The following UNC13C variants were observed in gnomAD, a reference collection of about 807,000 sequenced individuals.
UNC13C encodes unc-13 homolog C.
Under a neutral mutation model 245.4 loss-of-function variants are expected in UNC13C, and 174 were observed. That is an observed-to-expected ratio of 0.71 (90% CI 0.63 to 0.80). The LOEUF is 0.80. UNC13C is among the 30% of genes least tolerant of loss of function. The pLI is 0.00. For missense variants in UNC13C, 2,829 were observed against 2,602.9 expected (o/e 1.09, Z -1.89); for synonymous variants, 992 against 895.1 (o/e 1.11, Z -1.93).
intron 30 of UNC13C, among the ~76,000 whole-genome samples, chr15:54,601,581 TTGACTC>T (rs1172122675): frequency 2.0e-5 from 3 of 152,152 alleles, no homozygotes; most frequent in Non-Finnish European, 4.4e-5. Context: ...AAAATTAACT[TTGACTC>T]TGTCAGCAGG....
intron 1 of UNC13C, among the ~76,000 whole-genome samples, chr15:53,980,846 C>G (rs1418138511): frequency 6.6e-6 from 1 of 152,128 alleles, no homozygotes; most frequent in Non-Finnish European, 1.5e-5. Context: ...GTTTTCCTTT[C>G]CAGGCCATAT....
the UNC13C span, among the ~76,000 whole-genome samples, chr15:53,885,509 C>G: frequency 6.6e-6 from 1 of 152,192 alleles, no homozygotes; most frequent in Admixed American, 6.5e-5. Context: ...TTGGATCATA[C>G]TCTTGTGTCC....
At chr15:54,243,230 T>G (rs564068124) in intron 7 of UNC13C, among the ~76,000 whole-genome samples, 2 of 146,016 alleles carry the variant, frequency 1.4e-5, no homozygotes, top group South Asian at 4.6e-4. Flanking sequence ...TGAGAACATA[T>G]GGGGCTTGGT....
At chr15:54,451,632 C>A (rs1477275501) in intron 19 of UNC13C, among the ~76,000 whole-genome samples, 1 of 151,950 alleles carries the variant, frequency 6.6e-6, no homozygotes, top group African/African-American at 2.4e-5. Context: ...ATAGCTATCT[C>A]TTTTGTATGT....
chr15:54,136,404 T>G (rs1215716676), intron 2 of UNC13C, among the ~76,000 whole-genome samples: 1 of 152,200 alleles, frequency 6.6e-6, no homozygotes, highest in Non-Finnish European at 1.5e-5. Flanking sequence ...AGTTTTTTTA[T>G]CATGACACTT....
rs770723165 is a variant in UNC13C at position 54,546,616 on chromosome 15, A to G, written c.5697-106A>G. The G allele has an allele frequency of 6.9e-6, 4 of 583,208 alleles. No individual in the cohort carries two copies. The South Asian group carries it at 1.5e-4, about 22-fold the overall frequency. The allele number at this position is 583,208 out of a possible 1,614,324, so 36.1% of individuals were successfully genotyped here. The stretch of plus-strand genomic sequence containing the variant: ...AGTTTTTTGAGATTATACATTTTGT[A>G]TAATAATTTAGTAAATGGAATTTAG... On this transcript the variant is annotated intron_variant, in intron 26 of 32. Coordinates refer to ENST00000260323, the MANE Select transcript of UNC13C (RefSeq NM_001080534.3).
intron 4 of UNC13C, among the ~76,000 whole-genome samples, chr15:54,226,693 AG>A (rs773655946): frequency 3.9e-5 from 6 of 152,182 alleles, no homozygotes. Context: ...AACCAAGCTG[AG>A]GCTGGCCGCT....
At chr15:54,118,210 A>G (rs1038097930) in intron 2 of UNC13C, among the ~76,000 whole-genome samples, 38 of 152,220 alleles carry the variant, frequency 2.5e-4, no homozygotes, top group African/African-American at 7.7e-4. Flanking sequence ...TGGCATTTTC[A>G]TAGTGAGTAT....
At chr15:54,252,616 C>T (rs73411965) in intron 8 of UNC13C, among the ~76,000 whole-genome samples, 1,877 of 152,204 alleles carry the variant, frequency 0.012, 38 homozygotes, top group African/African-American at 0.043. Flanking sequence ...GAATCAGTGA[C>T]ATTACCTTAA....
At chr15:54,617,708 TA>T (rs1274141546) in intron 30 of UNC13C, among the ~76,000 whole-genome samples, 2 of 151,784 alleles carry the variant, frequency 1.3e-5, no homozygotes, top group South Asian at 2.1e-4. Flanking sequence ...GATGAGAGAG[TA>T]AAAAAAGCTT....
chr15:54,359,891 T>C (rs1034577741), intron 17 of UNC13C, among the ~76,000 whole-genome samples: 6 of 151,894 alleles, frequency 4.0e-5, no homozygotes, highest in Admixed American at 1.3e-4. Flanking sequence ...ATATTAAGTT[T>C]AGTTGGTTTT....
chr15:54,161,852 G>T (rs754991593), intron 4 of UNC13C, among the ~76,000 whole-genome samples: 3 of 152,074 alleles, frequency 2.0e-5, no homozygotes, highest in Non-Finnish European at 2.9e-5. Context: ...GGAGGCTGAG[G>T]CAGGAGAATG....
chr15:54,595,419 T>A (rs1162787808), intron 30 of UNC13C, among the ~76,000 whole-genome samples: 1 of 151,924 alleles, frequency 6.6e-6, no homozygotes, highest in Admixed American at 6.5e-5. Flanking sequence ...GCACTCAAAG[T>A]ATTTGGGGTG....
the UNC13C span, among the ~76,000 whole-genome samples, chr15:53,944,105 A>G: frequency 6.6e-6 from 1 of 152,146 alleles, no homozygotes; most frequent in African/African-American, 2.4e-5. Flanking sequence ...TTGGGTAATT[A>G]ACACTTAATA....
At chr15:54,525,246 G>A (rs575734628) in intron 24 of UNC13C, among the ~76,000 whole-genome samples, 1 of 152,076 alleles carries the variant, frequency 6.6e-6, no homozygotes, top group African/African-American at 2.4e-5. Context: ...ATCATGTTCT[G>A]GAGGATATTT....
intron 19 of UNC13C, among the ~76,000 whole-genome samples, chr15:54,452,910 C>T (rs937560284): frequency 1.3e-5 from 2 of 152,138 alleles, no homozygotes; most frequent in African/African-American, 4.8e-5. Context: ...ACATTTAGCC[C>T]AGGTGGCAGT....
intron 17 of UNC13C, among the ~76,000 whole-genome samples, chr15:54,368,531 A>T (rs1389566712): frequency 6.6e-6 from 1 of 152,054 alleles, no homozygotes; most frequent in African/African-American, 2.4e-5. Context: ...GCTATTAGGT[A>T]CAACCAATGA....
intron 8 of UNC13C, among the ~76,000 whole-genome samples, chr15:54,256,593 C>T (rs527318283): frequency 3.9e-5 from 6 of 152,226 alleles, no homozygotes; most frequent in Admixed American, 3.9e-4. Context: ...TCAGTGTATC[C>T]ATGCTATAGA....
chr15:54,442,956 T>A (rs1197984627), intron 19 of UNC13C, among the ~76,000 whole-genome samples: 2 of 152,164 alleles, frequency 1.3e-5, no homozygotes, highest in Admixed American at 1.3e-4. Context: ...AATTTTTTCC[T>A]CTTAATTTTT....
Sources: gnomAD v4.1 joint callset for allele counts (sites outside exome capture counted in the v4.1 genomes callset) on GRCh38, gnomAD v4.1.1 for gene constraint, MANE v1.5 for transcripts, NCBI Gene and HGNC (gene_info 2026-07-23, HGNC 2026-07-21) for gene names.